MTUS2: variants seen among roughly 807,000 people sequenced by gnomAD.
The protein encoded by MTUS2 is microtubule associated scaffold protein 2, also known as microtubule-associated tumor suppressor candidate 2.
Under a neutral mutation model 114.1 loss-of-function variants are expected in MTUS2, and 40 were observed. The ratio of observed to expected loss-of-function variants is 0.35; its 90% CI spans 0.27 to 0.46. The LOEUF is 0.46. Ranked by LOEUF, MTUS2 falls within the 20% of genes least tolerant of loss-of-function variation. The pLI, the probability that MTUS2 is intolerant of heterozygous loss-of-function variation, is 1.00. For missense variants in MTUS2, 1,679 were observed against 1,705.4 expected, an observed-to-expected ratio of 0.98 and a Z score of 0.27; for synonymous variants, 688 against 672.0, an observed-to-expected ratio of 1.02 and a Z score of -0.37.
intron 6 of MTUS2, among the ~76,000 whole-genome samples, chr13:29,308,549 A>G (rs537088163): frequency 7.9e-5 from 12 of 152,238 alleles, no homozygotes; most frequent in Non-Finnish European, 1.8e-4. Context: ...GCAAAACTTG[A>G]CAAATGAGAT....
At chr13:29,008,706 C>T (rs1176678961) in intron 2 of MTUS2, among the ~76,000 whole-genome samples, 1 of 152,074 alleles carries the variant, frequency 6.6e-6, no homozygotes, top group Non-Finnish European at 1.5e-5. Flanking sequence ...AAATCCGTTG[C>T]CAGTGTGATT....
At chr13:29,367,953 T>TG (rs1870866279) in intron 8 of MTUS2, among the ~76,000 whole-genome samples, 1 of 151,008 alleles carries the variant, frequency 6.6e-6, no homozygotes, top group Non-Finnish European at 1.5e-5. Context: ...TTTTTTTTTT[T>TG]TTTGAGATGG....
At chr13:29,419,500 C>A (rs191777599) in intron 8 of MTUS2, among the ~76,000 whole-genome samples, 67 of 152,336 alleles carry the variant, frequency 4.4e-4, no homozygotes, top group African/African-American at 1.4e-3. Context: ...GAGGAGACCT[C>A]TTCCACTGGC....
intron 8 of MTUS2, among the ~76,000 whole-genome samples, chr13:29,361,380 AT>A (rs1367976170): frequency 6.6e-6 from 1 of 152,070 alleles, no homozygotes; most frequent in Non-Finnish European, 1.5e-5. Flanking sequence ...CACACAATGT[AT>A]TTTTTTCTCT....
At chr13:29,121,922 C>T (rs1377680485) in intron 5 of MTUS2, among the ~76,000 whole-genome samples, 4 of 152,120 alleles carry the variant, frequency 2.6e-5, no homozygotes, top group East Asian at 1.9e-4. Context: ...GGCCTCCCAA[C>T]GTGCTGGGAG....
At chr13:28,875,393 G>T (rs1877871041) in intron 2 of MTUS2, among the ~76,000 whole-genome samples, 1 of 152,240 alleles carries the variant, frequency 6.6e-6, no homozygotes, top group African/African-American at 2.4e-5. Flanking sequence ...ATTGGTTCTT[G>T]ATTAGAGAAG....
rs567618120 is a variant in MTUS2 at position 29,412,654 on chromosome 13, C to G, written c.3118-27329C>G. Among the ~76,000 whole-genome samples the G allele has an allele frequency of 2.6e-3, 393 of 152,214 alleles. 2 individuals are homozygous for G. Among genetic ancestry groups the G allele is most frequent in the Non-Finnish European group, 2.8e-3 (193 of 68,004 alleles). ...CTGTAATTCCCAGAGCTTTGGGAGG[C>G]TGAGACAGGGGGATTGCTTGAGCAT... On this transcript the variant is annotated intron_variant, in intron 8 of 15. Coordinates refer to ENST00000612955, the MANE Select transcript of MTUS2 (RefSeq NM_001033602.4).
intron 8 of MTUS2, among the ~76,000 whole-genome samples, chr13:29,431,089 C>A (rs772090903): frequency 3.3e-5 from 5 of 152,106 alleles, no homozygotes; most frequent in East Asian, 1.9e-4. Flanking sequence ...TAAAGCTGTT[C>A]TGAAAAACAT....
intron 10 of MTUS2, among the ~76,000 whole-genome samples, chr13:29,486,923 A>G (rs17073523): frequency 0.035 from 5,339 of 152,302 alleles, 253 homozygotes; most frequent in African/African-American, 0.11. Flanking sequence ...CCTGCAAGTC[A>G]TACATTTGAA....
chr13:29,276,863 A>G (rs1227238779), intron 5 of MTUS2, among the ~76,000 whole-genome samples: 1 of 152,156 alleles, frequency 6.6e-6, no homozygotes, highest in African/African-American at 2.4e-5. Context: ...GTGCCACTGC[A>G]CTCCAGCCTG....
chr13:29,389,439 A>G (rs61046610), intron 8 of MTUS2, among the ~76,000 whole-genome samples: 38,413 of 79,004 alleles, frequency 0.49, 12,650 homozygotes, highest in Admixed American at 0.62. Flanking sequence ...ACGTGTGTGT[A>G]TGTGTATGTA....
chr13:29,104,013 A>G (rs1267393749), intron 5 of MTUS2, among the ~76,000 whole-genome samples: 1 of 151,782 alleles, frequency 6.6e-6, no homozygotes, highest in African/African-American at 2.4e-5. Flanking sequence ...ATGAATGTGG[A>G]AACGGGAGCC....
chr13:28,931,996 A>G (rs1881643346), intron 2 of MTUS2, among the ~76,000 whole-genome samples: 1 of 152,232 alleles, frequency 6.6e-6, no homozygotes, highest in Non-Finnish European at 1.5e-5. Flanking sequence ...CTAATGTATT[A>G]TAAGTACTGC....
intron 8 of MTUS2, among the ~76,000 whole-genome samples, chr13:29,372,816 G>T (rs978723413): frequency 6.6e-6 from 1 of 152,114 alleles, no homozygotes; most frequent in Admixed American, 6.5e-5. Flanking sequence ...CTAAGCAAGG[G>T]ATCCGAAAGA....
At chr13:29,029,076 A>G (rs1886695016) in intron 3 of MTUS2, among the ~76,000 whole-genome samples, 1 of 152,192 alleles carries the variant, frequency 6.6e-6, no homozygotes, top group Non-Finnish European at 1.5e-5. Context: ...AGGTGCCCCA[A>G]CAAGCCGACC....
At chr13:29,389,489 A>ATGTATACACGTG (rs1566173259) in intron 8 of MTUS2, among the ~76,000 whole-genome samples, 2 of 114,036 alleles carry the variant, frequency 1.8e-5, no homozygotes, top group Non-Finnish European at 3.8e-5. Flanking sequence ...ACGTGTGTGT[A>ATGTATACACGTG]TGTGTATATA....
chr13:29,177,793 G>A (rs1333544150), intron 5 of MTUS2, among the ~76,000 whole-genome samples: 3 of 152,258 alleles, frequency 2.0e-5, no homozygotes, highest in South Asian at 2.1e-4. Flanking sequence ...GCCTATAGTA[G>A]CATCGTGGAG....
At chr13:29,086,998 T>G (rs1889720706) in intron 4 of MTUS2, among the ~76,000 whole-genome samples, 1 of 152,212 alleles carries the variant, frequency 6.6e-6, no homozygotes, top group African/African-American at 2.4e-5. Flanking sequence ...CTAGGAGCCT[T>G]CTGAAGGAGT....
intron 2 of MTUS2, among the ~76,000 whole-genome samples, chr13:28,920,379 G>C (rs954611835): frequency 1.3e-5 from 2 of 152,208 alleles, no homozygotes; most frequent in African/African-American, 4.8e-5. Flanking sequence ...TCCAGGCAGA[G>C]TCTTGTTCTT....
Sources: allele counts gnomAD v4.1 joint callset (sites outside exome capture counted in the v4.1 genomes callset), GRCh38; gene constraint gnomAD v4.1.1; transcripts MANE v1.5; gene names NCBI Gene and HGNC (gene_info 2026-07-23, HGNC 2026-07-21).